The following GRIP1 variants were observed in gnomAD, a reference collection of about 807,000 sequenced individuals.
GRIP1 encodes glutamate receptor interacting protein 1.
GRIP1 carries 45 observed loss-of-function variants against 129.9 expected under a neutral mutation model. The observed-to-expected ratio is 0.35, with a 90% CI of 0.27 to 0.44. The LOEUF (loss-of-function observed/expected upper bound fraction) is 0.44, where lower values mean the gene tolerates loss of function less well. Among genes scored for constraint, GRIP1 ranks in the 20% least tolerant of loss-of-function variants. GRIP1 has a pLI of 1.00. For missense variants in GRIP1, 1,196 were observed against 1,396.8 expected (o/e 0.86, Z 2.29); for synonymous variants, 530 against 520.8 (o/e 1.02, Z -0.24).
At chr12:66,587,093 C>T (rs1438457659) in intron 2 of GRIP1, among the ~76,000 whole-genome samples, 1 of 152,180 alleles carries the variant, frequency 6.6e-6, no homozygotes, top group East Asian at 1.9e-4. Flanking sequence ...CCATGCTCAG[C>T]CATTCAATTT....
rs777441380 is a variant in GRIP1 at position 66,715,614 on chromosome 12, GC to G, written c.-419-85279del. ...AGGAGAGCCTGGCATAAGGAAGATGGCCAGTAAATACCAGCTGAATAAATCA... is the reference window on the plus strand; with the variant it reads ...AGGAGAGCCTGGCATAAGGAAGATGGCAGTAAATACCAGCTGAATAAATCA... On this transcript the variant is annotated intron_variant, in intron 1 of 4. Transcript: ENST00000538373. 9.5e-4 allele frequency among the ~76,000 whole-genome samples: 144 copies of G among 151,974 alleles called. 1 individual carries two copies. The highest frequency in any genetic ancestry group is 1.0e-4 in the Non-Finnish European group (7 of 67,954).
chr12:67,059,413 T>C (rs2043493533), intron 1 of GRIP1, among the ~76,000 whole-genome samples: 1 of 152,178 alleles, frequency 6.6e-6, no homozygotes, highest in South Asian at 2.1e-4. Flanking sequence ...AGCCACCAAA[T>C]GTGCCAAGTC....
intron 1 of GRIP1, among the ~76,000 whole-genome samples, chr12:67,061,261 C>T (rs772504525): frequency 3.3e-5 from 5 of 152,174 alleles, no homozygotes; most frequent in Non-Finnish European, 7.4e-5. Flanking sequence ...GCAAATGTAC[C>T]TGAAGACCCT....
intron 2 of GRIP1, among the ~76,000 whole-genome samples, chr12:66,550,042 C>T (rs968806374): frequency 6.6e-6 from 1 of 152,050 alleles, no homozygotes; most frequent in Non-Finnish European, 1.5e-5. Flanking sequence ...GTATCAAATG[C>T]CTTCTAAAGC....
At chr12:66,582,683 G>A (rs2063442858) in intron 2 of GRIP1, among the ~76,000 whole-genome samples, 1 of 142,446 alleles carries the variant, frequency 7.0e-6, no homozygotes, top group African/African-American at 2.6e-5. Flanking sequence ...AAAATACCTA[G>A]GAATCCAACT....
At chr12:66,713,202 T>C (rs2035766083) in intron 1 of GRIP1, among the ~76,000 whole-genome samples, 1 of 152,006 alleles carries the variant, frequency 6.6e-6, no homozygotes, top group African/African-American at 2.4e-5. Context: ...AGTAGAAGAC[T>C]GGGGAGACAG....
intron 2 of GRIP1, among the ~76,000 whole-genome samples, chr12:66,576,576 G>A (rs1223578931): frequency 4.6e-5 from 7 of 152,170 alleles, no homozygotes; most frequent in African/African-American, 1.4e-4. Flanking sequence ...TATCAGTCCC[G>A]TTGTTGGGTA....
intron 1 of GRIP1, among the ~76,000 whole-genome samples, chr12:67,067,042 T>C (rs2135909980): frequency 6.6e-6 from 1 of 151,876 alleles, no homozygotes; most frequent in Admixed American, 6.6e-5. Flanking sequence ...CAAAAATATA[T>C]ACTAATTATT....
chr12:66,735,584 G>A (rs983268864), intron 1 of GRIP1, among the ~76,000 whole-genome samples: 23 of 151,966 alleles, frequency 1.5e-4, no homozygotes, highest in Non-Finnish European at 3.1e-4. Context: ...AAACTTGGTA[G>A]GAAGATAAAA....
intron 7 of GRIP1, among the ~76,000 whole-genome samples, chr12:66,502,495 A>G (rs947289400): frequency 2.0e-5 from 3 of 152,130 alleles, no homozygotes; most frequent in African/African-American, 7.2e-5. Flanking sequence ...GTCATTTCCA[A>G]ATCTCATGTT....
intron 7 of GRIP1, among the ~76,000 whole-genome samples, chr12:66,475,792 C>T (rs919124468): frequency 2.0e-5 from 3 of 152,124 alleles, no homozygotes; most frequent in African/African-American, 7.2e-5. Context: ...AGAACAAAGA[C>T]ACAACATACC....
intron 4 of GRIP1, among the ~76,000 whole-genome samples, chr12:66,535,749 G>A (rs2061586378): frequency 6.6e-6 from 1 of 152,182 alleles, no homozygotes; most frequent in African/African-American, 2.4e-5. Flanking sequence ...TAGACTTTAT[G>A]TGAAGAATAC....
chr12:66,429,135 C>T (rs1455118891), intron 14 of GRIP1, among the ~76,000 whole-genome samples: 5 of 152,198 alleles, frequency 3.3e-5, no homozygotes, highest in Non-Finnish European at 7.3e-5. Context: ...TGTCTAAAAT[C>T]AGACAGACTC....
At chr12:66,450,303 CAAAAAAAAAAAAAAAAAAA>C (rs143013040) in intron 11 of GRIP1, among the ~76,000 whole-genome samples, 3 of 26,804 alleles carry the variant, frequency 1.1e-4, no homozygotes, top group African/African-American at 4.6e-4. Context: ...GACTCCATCT[CAAAAAAAAAAAAAAAAAAA>C]AAAAAAAAAA....
At chr12:66,945,229 T>C (rs1275124674) in intron 1 of GRIP1, among the ~76,000 whole-genome samples, 1 of 152,186 alleles carries the variant, frequency 6.6e-6, no homozygotes, top group South Asian at 2.1e-4. Context: ...GTAAATTGTG[T>C]GTCGTGGCAG....
chr12:66,815,214 C>T (rs898951473), intron 1 of GRIP1, among the ~76,000 whole-genome samples: 10 of 152,104 alleles, frequency 6.6e-5, no homozygotes, highest in Non-Finnish European at 8.8e-5. Flanking sequence ...AATCTCATGA[C>T]GAGGTAGCAC....
intron 15 of GRIP1, among the ~76,000 whole-genome samples, chr12:66,412,499 G>A (rs1293299313): frequency 6.6e-6 from 1 of 152,082 alleles, no homozygotes; most frequent in East Asian, 1.9e-4. Context: ...ATATGGAAAG[G>A]AAAAACCATT....
rs558000582 is a variant in GRIP1 at position 66,625,270 on chromosome 12, G to A, written c.56-28343C>T. Among the ~76,000 whole-genome samples the A allele has an allele frequency of 4.6e-5, 7 of 152,116 alleles. No homozygotes were observed. In the East Asian group the frequency reaches 1.4e-3, roughly 29 times the overall value. ...ATCTTATCATTTACATTATTGTCTT[G>A]CTTCCATTATGGATGGTATACATTA... On this transcript the variant is annotated intron_variant, in intron 1 of 24. Coordinates refer to ENST00000359742, the MANE Select transcript of GRIP1 (RefSeq NM_001366722.1).
chr12:66,879,588 C>A (rs1255748558), intron 1 of GRIP1, among the ~76,000 whole-genome samples: 1 of 151,928 alleles, frequency 6.6e-6, no homozygotes, highest in Non-Finnish European at 1.5e-5. Context: ...CAAAAATAAA[C>A]AAAAGCTTCA....
Sources: allele counts gnomAD v4.1 joint callset (sites outside exome capture counted in the v4.1 genomes callset), GRCh38; gene constraint gnomAD v4.1.1; transcripts MANE v1.5; gene names NCBI Gene and HGNC (gene_info 2026-07-23, HGNC 2026-07-21).